Variants in SEMA4D observed in about 807,000 individuals in gnomAD.
SEMA4D encodes semaphorin 4D.
In SEMA4D, 22 loss-of-function variants were observed where a neutral mutation model predicts 74.8. That is an observed-to-expected ratio of 0.29 (90% CI 0.21 to 0.42). The LOEUF is 0.42. Among genes scored for constraint, SEMA4D ranks in the 10% least tolerant of loss-of-function variants. The pLI, the probability that SEMA4D is intolerant of heterozygous loss-of-function variation, is 1.00. For synonymous variants in SEMA4D, 445 were observed against 463.7 expected, an observed-to-expected ratio of 0.96 and a Z score of 0.52; for missense variants, 937 against 1,118.4, an observed-to-expected ratio of 0.84 and a Z score of 2.31.
intron 16 of SEMA4D, among the ~76,000 whole-genome samples, chr9:89,371,302 CTG>C (rs1344663560): frequency 9.7e-5 from 8 of 82,262 alleles, no homozygotes; most frequent in Non-Finnish European, 1.6e-4. Flanking sequence ...GTGTGTGTGT[CTG>C]GGGTGTGGTG....
In SEMA4D at chr9:89,391,530, G is replaced by T. The variant is rs1038472229; in HGVS notation, c.623-115C>A. 15 of 963,358 alleles carry T rather than the reference G, an allele frequency of 1.6e-5. No individual in the cohort carries two copies. In the African/African-American group the frequency reaches 2.4e-4, roughly 16 times the overall value. 59.7% of individuals were successfully genotyped at this position (963,358 alleles called of 1,614,324 possible). A position where few individuals can be genotyped will look rare whatever the true frequency, so the allele number is the denominator to read the frequency against. ...GGGGGCCTGAGGGCTTCCCTGCAAG[G>T]ATGTCTGGAGTGTGCACATGCCACA... On this transcript the variant is annotated intron_variant, in intron 8 of 15. Coordinates refer to ENST00000422704, the MANE Select transcript of SEMA4D (RefSeq NM_001371194.2).
At chr9:89,437,714 G>A (rs969119984) in intron 2 of SEMA4D, among the ~76,000 whole-genome samples, 1 of 152,234 alleles carries the variant, frequency 6.6e-6, no homozygotes, top group African/African-American at 2.4e-5. Context: ...CTAAAGGAAG[G>A]TAGCAACGTG....
At chr9:89,387,718 A>G in intron 11 of SEMA4D, 110 bp from the exon 12 acceptor site, 1 of 835,572 alleles carries the variant, frequency 1.2e-6, no homozygotes, top group South Asian at 1.6e-5. Flanking sequence ...AAACCACACA[A>G]TGCATGCCTT....
chr9:89,449,449 C>T (rs1215224706), intron 2 of SEMA4D: 4 of 641,352 alleles, frequency 6.2e-6, no homozygotes, highest in Non-Finnish European at 1.2e-5. Flanking sequence ...GCGGCTTTCG[C>T]TGGCCCTCTC....
rs1276624723 is a variant in SEMA4D at position 89,420,935 on chromosome 9, C to T, written c.-243-15236G>A. ...CCGATGCTGTTTAAGCACTGGGAGGCATTAACTATCATTCTTACCACTTGT... is the reference window on the plus strand; with the variant it reads ...CCGATGCTGTTTAAGCACTGGGAGGTATTAACTATCATTCTTACCACTTGT... On this transcript the variant is annotated intron_variant, in intron 2 of 15. Transcript: ENST00000422704. Among the ~76,000 whole-genome samples the T allele has an allele frequency of 3.3e-5, 5 of 152,240 alleles. No individual in the cohort carries two copies. In the East Asian group the frequency reaches 7.7e-4, roughly 23 times the overall value.
At chr9:89,369,866 A>G (rs73654767) in intron 16 of SEMA4D, among the ~76,000 whole-genome samples, 10,357 of 151,338 alleles carry the variant, frequency 0.068, 814 homozygotes, top group African/African-American at 0.19. Flanking sequence ...TAAGTCAACA[A>G]TGTGTGTGTG....
chr9:89,382,499 A>AC (rs1837349109), intron 13 of SEMA4D, among the ~76,000 whole-genome samples: 1 of 152,116 alleles, frequency 6.6e-6, no homozygotes, highest in Non-Finnish European at 1.5e-5. Flanking sequence ...GCGGACACAG[A>AC]CCCACGAGAG....
chr9:89,397,860 C>T (rs1323782496), intron 5 of SEMA4D, among the ~76,000 whole-genome samples: 1 of 152,156 alleles, frequency 6.6e-6, no homozygotes, highest in East Asian at 1.9e-4. Flanking sequence ...TGCCCAGTGC[C>T]AGGTAGGGAC....
chr9:89,381,081 A>T lies in SEMA4D; in HGVS notation c.1637T>A (p.Met546Lys). 5.0e-6 allele frequency: 8 copies of T among 1,614,144 alleles called. No individual in the cohort carries two copies. Among genetic ancestry groups the T allele is most frequent in the Non-Finnish European group, 6.8e-6 (8 of 1,180,036 alleles). ...ESPSRGLIQE[M>K]SGDASVCPDK... is the part of the protein sequence containing the mutation. ...CGGGCACACAGAAGCATCGCCGCTC[A>T]TCTCCTGAATCAAACCCCTGCAAAA... The change falls in exon 15 of 16, where the codon ATG becomes AAG. Residue 546 changes from methionine to lysine, a missense_variant. Met to Lys is a moderately conservative substitution (Grantham distance 95). Coordinates refer to ENST00000422704, the MANE Select transcript of SEMA4D (RefSeq NM_001371194.2). The surrounding 1 kb of genome is among the most constrained non-coding windows in gnomAD (Gnocchi z 4.6).
At chr9:89,409,918 A>G (rs1844145955) in intron 2 of SEMA4D, among the ~76,000 whole-genome samples, 1 of 152,156 alleles carries the variant, frequency 6.6e-6, no homozygotes, top group Non-Finnish European at 1.5e-5. Flanking sequence ...ATTTATTTCA[A>G]CTCTCTCTGG....
rs534044838 is a variant in SEMA4D, at chr9:89,484,692, G to A, written c.-310+13227C>T. On this transcript the variant is annotated intron_variant, in intron 1 of 15. Transcript: ENST00000422704. The surrounding 1 kb of genome is among the most constrained non-coding windows in gnomAD (Gnocchi z 4.1). Reference sequence around the variant, plus strand: ...TGTATGTAGTGTGGTGGCTGTGTGTGTGGTATGTGATGTGGTGTATGGATG... The same window carrying A: ...TGTATGTAGTGTGGTGGCTGTGTGTATGGTATGTGATGTGGTGTATGGATG... 1.1e-3 allele frequency among the ~76,000 whole-genome samples: 165 copies of A among 151,346 alleles called. No homozygotes were observed. The highest frequency in any genetic ancestry group is 1.9e-3 in the Non-Finnish European group (127 of 67,772).
At chr9:89,443,415 G>A (rs1371864590) in intron 2 of SEMA4D, among the ~76,000 whole-genome samples, 1 of 152,272 alleles carries the variant, frequency 6.6e-6, no homozygotes, top group African/African-American at 2.4e-5. Flanking sequence ...CACTGACCTC[G>A]AAGCGGGTGT....
At chr9:89,458,257 G>A (rs982173182) in intron 1 of SEMA4D, among the ~76,000 whole-genome samples, 2 of 152,148 alleles carry the variant, frequency 1.3e-5, no homozygotes, top group Admixed American at 6.5e-5. Flanking sequence ...GCTGTGGAGT[G>A]GCCTGGGGAT....
chr9:89,413,685 G>A lies in SEMA4D; in HGVS notation c.-243-7986C>T, dbSNP rs2133991461. Among the ~76,000 whole-genome samples the A allele has an allele frequency of 3.9e-5, 6 of 152,360 alleles. No individual in the cohort carries two copies. In the Middle Eastern group the frequency reaches 0.017, roughly 432 times the overall value. On this transcript the variant is annotated intron_variant, in intron 2 of 15. Transcript: ENST00000422704. ...TGTGCATCTGCTTGGATCTCTGCAT[G>A]TGTATACATATGTGTATGCATGGGC... is the stretch of plus-strand genomic sequence containing the variant.
intron 13 of SEMA4D, chr9:89,385,054 C>G: frequency 1.0e-6 from 1 of 985,042 alleles, no homozygotes; most frequent in Non-Finnish European, 1.2e-6. Flanking sequence ...CCCACTGGCT[C>G]CTCCTCCTGG....
chr9:89,491,118 C>T (rs1232605132), intron 1 of SEMA4D, among the ~76,000 whole-genome samples: 1 of 152,206 alleles, frequency 6.6e-6, no homozygotes, highest in African/African-American at 2.4e-5. Flanking sequence ...AGTAGGACAG[C>T]ATTGCCTCTA....
In SEMA4D at chr9:89,403,061, C is replaced by T. The variant is rs1039712803; in HGVS notation, c.107-45G>A. ...GGTCAGAGTGGGAGGAAGAAAAGAG[C>T]GATGGAAGCATTTTTAAACCTGAGC... On this transcript the variant is annotated intron_variant, in intron 3 of 15. Transcript: ENST00000422704. 17 of 1,584,952 alleles carry T rather than the reference C, an allele frequency of 1.1e-5. 1 individual carries two copies. The highest frequency in any genetic ancestry group is 9.5e-6 in the Non-Finnish European group (11 of 1,157,506).
rs377208427 is a variant in SEMA4D, at chr9:89,402,955, G to A, written c.168C>T (p.Ser56=). 6 of 1,613,866 alleles carry A rather than the reference G, an allele frequency of 3.7e-6. No individual in the cohort carries two copies. The African/African-American group carries it at 5.3e-5, about 14-fold the overall frequency. Residue 56 remains serine (S), a synonymous_variant, in exon 4 of 16, where the codon AGC becomes AGT. Transcript: ENST00000422704. ...CTATGTACAAGGTGTCCTTGTCCTC[G>A]CTCAGCAGCAAGGCTGAGTAGTTGT... ...DIYNYSALLL[S]EDKDTLYIGA...
At chr9:89,465,335 G>A (rs572829783) in intron 1 of SEMA4D, among the ~76,000 whole-genome samples, 3 of 152,110 alleles carry the variant, frequency 2.0e-5, no homozygotes, top group Admixed American at 6.5e-5. Flanking sequence ...GCTGCTAACG[G>A]GTCACTTAAA....
Sources: allele counts gnomAD v4.1 joint callset (sites outside exome capture counted in the v4.1 genomes callset), GRCh38; gene constraint gnomAD v4.1.1; non-coding constraint Gnocchi (gnomAD v3.1); transcripts MANE v1.5; gene names NCBI Gene and HGNC (gene_info 2026-07-23, HGNC 2026-07-21).